Variants in LARP4B observed in about 807,000 individuals in gnomAD.
The protein encoded by LARP4B is La ribonucleoprotein 4B.
A neutral mutation model predicts 89.8 loss-of-function variants in LARP4B; 12 were observed. The observed-to-expected ratio is 0.13, with a 90% confidence interval of 0.09 to 0.22. LARP4B has a LOEUF of 0.22. Among genes scored for constraint, LARP4B ranks in the 10% least tolerant of loss-of-function variants. The probability of loss-of-function intolerance (pLI) is 1.00; values close to 1 mark genes in which losing one functional copy is unlikely to be tolerated. For synonymous variants in LARP4B, 367 were observed against 363.3 expected (o/e 1.01, Z -0.12); for missense variants, 757 against 947.7 (o/e 0.80, Z 2.64).
At chr10:959,407 C>T in the LARP4B span, among the ~76,000 whole-genome samples, 83 of 100,478 alleles carry the variant, frequency 8.3e-4, 1 homozygote, top group African/African-American at 2.1e-3. Context: ...ATCCACCTCC[C>T]CATCAATCCA....
chr10:951,860 G>C, the LARP4B span, among the ~76,000 whole-genome samples: 1 of 149,184 alleles, frequency 6.7e-6, no homozygotes, highest in African/African-American at 2.5e-5. Context: ...CAGCAGCCCA[G>C]AACCAACTGC....
chr10:980,687 T>C, the LARP4B span, among the ~76,000 whole-genome samples: 40 of 152,234 alleles, frequency 2.6e-4, no homozygotes, highest in Admixed American at 2.6e-3. Flanking sequence ...ATGGATACCC[T>C]GGGCCTGACC....
intron 8 of LARP4B, 21 bp downstream of exon 8, chr10:836,382 T>G (rs758710348): frequency 6.8e-7 from 1 of 1,478,574 alleles, no homozygotes; most frequent in Non-Finnish European, 9.4e-7. Context: ...CCAAGTAACC[T>G]TCAGAGGAGA....
rs1835840972 is a variant in LARP4B at position 885,777 on chromosome 10, A to G, written c.-39-17T>C. 7.5e-7 allele frequency: 1 copy of G among 1,331,396 alleles called. No homozygotes were observed. The highest frequency in any genetic ancestry group is 1.5e-5 in the African/African-American group (1 of 68,920). The allele number at this position is 1,331,396 out of a possible 1,614,324, so 82.5% of individuals were successfully genotyped here. ...CTCAGGATGCTGTAAAATGGCAAAGACATTAAACAGGTCATTTGAAGGGCA... is the reference window on the plus strand; with the variant it reads ...CTCAGGATGCTGTAAAATGGCAAAGGCATTAAACAGGTCATTTGAAGGGCA... On this transcript the variant is annotated splice_polypyrimidine_tract_variant and intron_variant, in intron 1 of 17. Coordinates refer to ENST00000316157, the MANE Select transcript of LARP4B (RefSeq NM_015155.3).
At chr10:952,288 T>C in the LARP4B span, among the ~76,000 whole-genome samples, 2 of 129,136 alleles carry the variant, frequency 1.5e-5, no homozygotes, top group South Asian at 2.3e-4. Context: ...TGCAGTGAGC[T>C]GAGATCAAGA....
chr10:979,507 T>C, the LARP4B span, among the ~76,000 whole-genome samples: 1 of 152,208 alleles, frequency 6.6e-6, no homozygotes, highest in East Asian at 1.9e-4. Context: ...TGTGTTCCTC[T>C]ATGGCTGTGG....
chr10:836,612 C>G, intron 7 of LARP4B, 106 bp from the exon 8 acceptor site: 1 of 709,582 alleles, frequency 1.4e-6, no homozygotes, highest in East Asian at 2.7e-5. Context: ...GCTAAAGAAA[C>G]CTGCAAATGG....
At chr10:917,212 T>C (rs1836844863) in intron 1 of LARP4B, among the ~76,000 whole-genome samples, 1 of 152,232 alleles carries the variant, frequency 6.6e-6, no homozygotes, top group Non-Finnish European at 1.5e-5. Context: ...ATTCTTTTCA[T>C]GTTTTGTTTT....
intron 1 of LARP4B, among the ~76,000 whole-genome samples, chr10:904,188 G>A (rs1836423522): frequency 6.6e-6 from 1 of 152,116 alleles, no homozygotes; most frequent in Admixed American, 6.5e-5. Flanking sequence ...GGAAGCTGAG[G>A]CTAAAGGATT....
At chr10:833,263 A>T (rs928961077) in intron 8 of LARP4B, among the ~76,000 whole-genome samples, 1 of 144,224 alleles carries the variant, frequency 6.9e-6, no homozygotes, top group Non-Finnish European at 1.5e-5. Context: ...AAAAAAAAAA[A>T]AAAAAAAAAA....
At chr10:808,340 C>CAG (rs1831623605), downstream of LARP4B, 1 of 152,240 alleles carries the variant, frequency 6.6e-6, no homozygotes, top group Non-Finnish European at 1.5e-5. Context: ...TGCTAATTTG[C>CAG]AGATGGCGTG....
At chr10:862,279 A>AAAAAAAAAC (rs749904539) in intron 5 of LARP4B, among the ~76,000 whole-genome samples, 1 of 140,408 alleles carries the variant, frequency 7.1e-6, no homozygotes, top group Non-Finnish European at 1.6e-5. Flanking sequence ...AAAAAAAAAA[A>AAAAAAAAAC]AACAACCGTC....
intron 1 of LARP4B, among the ~76,000 whole-genome samples, chr10:894,161 C>G (rs1416915611): frequency 6.6e-6 from 1 of 152,168 alleles, no homozygotes; most frequent in Non-Finnish European, 1.5e-5. Context: ...TTGACTGAAG[C>G]TATTTTTCAG....
intron 3 of LARP4B, among the ~76,000 whole-genome samples, chr10:864,628 C>G (rs1190945348): frequency 6.6e-6 from 1 of 152,144 alleles, no homozygotes; most frequent in Admixed American, 6.5e-5. Context: ...AACTTGAATA[C>G]AAGGCAGATG....
At chr10:883,951 GC>G (rs1456624020) in intron 3 of LARP4B, among the ~76,000 whole-genome samples, 1 of 152,046 alleles carries the variant, frequency 6.6e-6, no homozygotes, top group African/African-American at 2.4e-5. Context: ...TCCAGTAGTA[GC>G]TCTCTGAAGC....
At chr10:959,968 C>T in the LARP4B span, among the ~76,000 whole-genome samples, 12,675 of 151,680 alleles carry the variant, frequency 0.084, 680 homozygotes, top group Middle Eastern at 0.12. Context: ...CCCACCTCCT[C>T]GTGTCCCCTC....
At chr10:854,635 T>C (rs1366655171) in intron 5 of LARP4B, among the ~76,000 whole-genome samples, 1 of 152,078 alleles carries the variant, frequency 6.6e-6, no homozygotes, top group Non-Finnish European at 1.5e-5. Context: ...CAGTAAACCA[T>C]GATGTAAACA....
rs138203565 is a variant in LARP4B at position 929,276 on chromosome 10, T to A, written c.-40+2152A>T. On this transcript the variant is annotated intron_variant, in intron 1 of 17. Coordinates refer to ENST00000316157, the MANE Select transcript of LARP4B (RefSeq NM_015155.3). ...AAAACAAAACTTTCTGCTAATAGATTGACAGCTACAAGGTAGAATATTTTA... is the reference window on the plus strand; with the variant it reads ...AAAACAAAACTTTCTGCTAATAGATAGACAGCTACAAGGTAGAATATTTTA... Among the ~76,000 whole-genome samples the A allele has an allele frequency of 1.9e-4, 29 of 152,276 alleles. 1 individual carries two copies. The East Asian group carries it at 5.2e-3, about 27-fold the overall frequency.
chr10:823,446 G>C (rs1483924600), intron 13 of LARP4B, among the ~76,000 whole-genome samples: 1 of 152,164 alleles, frequency 6.6e-6, no homozygotes, highest in Non-Finnish European at 1.5e-5. Flanking sequence ...ACATTCGTCA[G>C]CAAGCTTTGG....
Sources: gnomAD v4.1 joint callset for allele counts (sites outside exome capture counted in the v4.1 genomes callset) on GRCh38, gnomAD v4.1.1 for gene constraint, MANE v1.5 for transcripts, NCBI Gene and HGNC (gene_info 2026-07-23, HGNC 2026-07-21) for gene names.